The following OVCH1 variants were observed in gnomAD, a reference collection of about 807,000 sequenced individuals.
The protein encoded by OVCH1 is ovochymase-1.
In OVCH1, 139 loss-of-function variants were observed where a neutral mutation model predicts 138.4. The ratio of observed to expected loss-of-function variants is 1.00; its 90% CI spans 0.87 to 1.16. OVCH1 has a LOEUF of 1.16. OVCH1 is among the 50% of genes most tolerant of loss of function. OVCH1 has a pLI of 0.00. For synonymous variants in OVCH1, 453 were observed against 467.8 expected (o/e 0.97, Z 0.41); for missense variants, 1,367 against 1,357.9 (o/e 1.01, Z -0.11).
exon 16 of OVCH1, chr12:29,471,969 G>A (rs1444616710): frequency 1.2e-6 from 2 of 1,611,232 alleles, no homozygotes; most frequent in Non-Finnish European, 1.7e-6. Context: ...TAAATGGAGG[G>A]ATGCCACAGA....
intron 12 of OVCH1, among the ~76,000 whole-genome samples, chr12:29,476,784 C>A (rs1374362846): frequency 7.5e-6 from 1 of 134,172 alleles, no homozygotes; most frequent in African/African-American, 2.7e-5. Context: ...CACACACACA[C>A]ACACACACAC....
exon 22 of OVCH1, chr12:29,451,350 G>T: frequency 6.2e-7 from 1 of 1,611,346 alleles, no homozygotes; most frequent in Non-Finnish European, 8.5e-7. Context: ...ATTACCTGCC[G>T]TCTTTCTCTT....
At chr12:29,407,021 C>T in the OVCH1 span, among the ~76,000 whole-genome samples, 8 of 151,890 alleles carry the variant, frequency 5.3e-5, no homozygotes, top group South Asian at 2.1e-4. Flanking sequence ...GATGGTATCT[C>T]GTTGTGGTTT....
intron 23 of OVCH1, 118 bp from the exon 24 acceptor site, chr12:29,444,398 A>G: frequency 9.0e-7 from 1 of 1,113,474 alleles, no homozygotes; most frequent in Non-Finnish European, 1.2e-6. Flanking sequence ...GAAAACAAGT[A>G]ATTATTAGGA....
At position 29,487,988 on chromosome 12, in the gene OVCH1, GC is replaced by G. The variant is rs1943160990; in HGVS notation, c.703-107del. 4 of 1,095,486 alleles carry G rather than the reference GC, an allele frequency of 3.7e-6. No individual in the cohort carries two copies. In the South Asian group the frequency reaches 7.1e-5, roughly 20 times the overall value. 67.9% of individuals were successfully genotyped at this position (1,095,486 alleles called of 1,614,324 possible). A position where few individuals can be genotyped will look rare whatever the true frequency, so the allele number is the denominator to read the frequency against. ...CATCACAAAGTGAAAAGAGGTAGAG[GC>G]AAAGAAGTCCACTAGTCATCGTCCA... On this transcript the variant is annotated intron_variant, in intron 6 of 27. Coordinates refer to ENST00000318184, the Ensembl canonical transcript of OVCH1.
intron 8 of OVCH1, chr12:29,478,946 C>A: frequency 7.0e-7 from 1 of 1,429,746 alleles, no homozygotes; most frequent in Non-Finnish European, 9.5e-7. Flanking sequence ...TCTTCTGGTA[C>A]CATTATTTTC....
chr12:29,470,146 A>G lies in OVCH1; in HGVS notation c.1856+1656T>C, dbSNP rs117736295. Among the ~76,000 whole-genome samples, 151 of 152,330 alleles carry G rather than the reference A, an allele frequency of 9.9e-4. 1 individual carries two copies. In the East Asian group the frequency reaches 0.028, roughly 28 times the overall value. ...ATGATATACTGCTTTAGGGATACAT[A>G]TATGTTAAAATCCCCCAAAAGCAAT... On this transcript the variant is annotated intron_variant, in intron 16 of 27. Transcript: ENST00000318184.
intron 21 of OVCH1, among the ~76,000 whole-genome samples, chr12:29,454,015 TA>T (rs1941872628): frequency 6.6e-6 from 1 of 152,112 alleles, no homozygotes; most frequent in South Asian, 2.1e-4. Flanking sequence ...GTTCATCTGC[TA>T]AGAAAAAGAA....
rs141956854 is a variant in OVCH1, at chr12:29,489,432, G to A, written c.702+188C>T. Among the ~76,000 whole-genome samples the A allele has an allele frequency of 8.1e-3, 1,236 of 152,262 alleles. 20 individuals carry two copies. The highest frequency in any genetic ancestry group is 0.028 in the African/African-American group (1,176 of 41,538). ...AAGAAGTGTAGGGGTAGGAATGGAC[G>A]TGGAGACAGGAAATAATTCTTTCTG... On this transcript the variant is annotated intron_variant, in intron 6 of 27. Transcript: ENST00000318184.
intron 18 of OVCH1, 112 bp from the exon 19 acceptor site, chr12:29,462,120 GT>G: frequency 8.2e-7 from 1 of 1,216,844 alleles, no homozygotes; most frequent in Non-Finnish European, 1.1e-6. Context: ...AAGTCATTCA[GT>G]TTGGCCTGAG....
downstream of OVCH1, chr12:29,425,962 C>T (rs1372227035): frequency 2.0e-5 from 3 of 152,144 alleles, no homozygotes; most frequent in Non-Finnish European, 4.4e-5. Flanking sequence ...AGTTTGCCAA[C>T]GTTCCTTAAA....
rs1008933498 is a variant in OVCH1 at position 29,443,257 on chromosome 12, A to G, written c.3157+104T>C. 6.3e-6 allele frequency: 7 copies of G among 1,106,252 alleles called. No individual in the cohort carries two copies. In the East Asian group the frequency reaches 7.4e-5, roughly 12 times the overall value. 68.5% of individuals were successfully genotyped at this position (1,106,252 alleles called of 1,614,324 possible). On this transcript the variant is annotated intron_variant, in intron 25 of 27. Transcript: ENST00000318184. ...CTATTTCAACATCCTATAAGAAGAG[A>G]CTAGTGTATGTCACATGTAAGCCAC...
At chr12:29,428,135 C>A (rs1941209560) in intron 27 of OVCH1, among the ~76,000 whole-genome samples, 1 of 150,838 alleles carries the variant, frequency 6.6e-6, no homozygotes, top group Non-Finnish European at 1.5e-5. Context: ...TAAGGTAAGA[C>A]AAAAAACGGC....
chr12:29,492,058 T>C (rs1943287689), intron 4 of OVCH1, among the ~76,000 whole-genome samples: 1 of 152,142 alleles, frequency 6.6e-6, no homozygotes, highest in South Asian at 2.1e-4. Flanking sequence ...CAGTGGTAAA[T>C]ACATGCTATG....
chr12:29,426,032 G>A (rs1941174918), downstream of OVCH1: 1 of 152,144 alleles, frequency 6.6e-6, no homozygotes, highest in Admixed American at 6.5e-5. Context: ...ACACCAACAA[G>A]TAAAGAACTT....
chr12:29,455,132 A>G, intron 20 of OVCH1, 117 bp downstream of exon 20: 1 of 1,300,442 alleles, frequency 7.7e-7, no homozygotes, highest in Non-Finnish European at 1.1e-6. Context: ...TTTAGTAACT[A>G]AATGAAATTC....
chr12:29,416,165 T>A (rs1356027578), intron 3 of OVCH1, among the ~76,000 whole-genome samples: 5 of 151,476 alleles, frequency 3.3e-5, no homozygotes, highest in Admixed American at 2.6e-4. Flanking sequence ...AAAAATTAAC[T>A]GGAAAGGATC....
At chr12:29,473,938 C>T (rs955278552) in intron 14 of OVCH1, among the ~76,000 whole-genome samples, 5 of 152,114 alleles carry the variant, frequency 3.3e-5, no homozygotes, top group South Asian at 2.1e-4. Context: ...CTGGATGCTT[C>T]CTGCCCTAGA....
intron 16 of OVCH1, among the ~76,000 whole-genome samples, chr12:29,467,746 G>A (rs971322058): frequency 6.6e-5 from 10 of 152,160 alleles, no homozygotes; most frequent in African/African-American, 2.4e-4. Context: ...AACAAGATGA[G>A]AACACCAGAT....
Sources: allele counts gnomAD v4.1 joint callset (sites outside exome capture counted in the v4.1 genomes callset), GRCh38; gene constraint gnomAD v4.1.1; transcripts MANE v1.5; gene names NCBI Gene and HGNC (gene_info 2026-07-23, HGNC 2026-07-21).